Variants in DGKH observed in about 807,000 individuals in gnomAD.
DGKH encodes DAG kinase eta.
In DGKH, 90 loss-of-function variants were observed where a neutral mutation model predicts 159.3. That is an observed-to-expected ratio of 0.57 (90% CI 0.48 to 0.67). The LOEUF is 0.67. DGKH is among the 30% of genes least tolerant of loss of function. The pLI is 0.00. For missense variants in DGKH, 1,181 were observed against 1,506.1 expected, an observed-to-expected ratio of 0.78 and a Z score of 3.57; for synonymous variants, 536 against 553.8, an observed-to-expected ratio of 0.97 and a Z score of 0.45.
At chr13:42,171,969 A>G (rs892105630) in intron 11 of DGKH, among the ~76,000 whole-genome samples, 8 of 151,562 alleles carry the variant, frequency 5.3e-5, no homozygotes, top group Non-Finnish European at 7.4e-5. Flanking sequence ...AGCTGGGACT[A>G]TAGGTGCCCG....
chr13:42,159,263 T>TTTTTTTTTTTTTTGTTTTA lies in DGKH; in HGVS notation c.623-3_623-2insTTTTTTTTTTTTTGTTTTA. On this transcript the variant is annotated splice_polypyrimidine_tract_variant and splice_region_variant and intron_variant, in intron 5 of 29. Coordinates refer to ENST00000337343, the MANE Select transcript of DGKH (RefSeq NM_178009.5). ...GTTGCTCTTTTTTTTTTTTTTTTTT[T>TTTTTTTTTTTTTTGTTTTA]AGTGTGTAAATTCAAGGCTCACAAA... is the stretch of plus-strand genomic sequence containing the variant. 1 of 1,249,718 alleles carries TTTTTTTTTTTTTTGTTTTA rather than the reference T, an allele frequency of 8.0e-7. No individual in the cohort carries two copies. The highest frequency in any genetic ancestry group is 1.1e-6 in the Non-Finnish European group (1 of 894,572). The allele number at this position is 1,249,718 out of a possible 1,614,324, so 77.4% of individuals were successfully genotyped here. A position where few individuals can be genotyped will look rare whatever the true frequency, so the allele number is the denominator to read the frequency against.
At chr13:42,070,872 A>C in intron 1 of DGKH, 1 of 1,297,118 alleles carries the variant, frequency 7.7e-7, no homozygotes, top group Non-Finnish European at 1.1e-6. Flanking sequence ...CAATGTTATC[A>C]TGGTCAAGTC....
At chr13:42,064,585 G>A (rs966798504) in intron 1 of DGKH, among the ~76,000 whole-genome samples, 1 of 152,146 alleles carries the variant, frequency 6.6e-6, no homozygotes, top group African/African-American at 2.4e-5. Flanking sequence ...ATGGGACTGA[G>A]CAGCTGAGGT....
At chr13:42,117,010 T>C (rs1039567533) in intron 1 of DGKH, among the ~76,000 whole-genome samples, 2 of 152,194 alleles carry the variant, frequency 1.3e-5, no homozygotes, top group Non-Finnish European at 2.9e-5. Context: ...ATGGCTTTAC[T>C]GATTTTCCAT....
chr13:42,159,097 T>G (rs1956111525), intron 5 of DGKH, among the ~76,000 whole-genome samples, 169 bp from the exon 6 acceptor site: 2 of 152,200 alleles, frequency 1.3e-5, no homozygotes, highest in South Asian at 4.1e-4. Context: ...ATTTGTTTTC[T>G]AGAATACCAT....
intron 1 of DGKH, among the ~76,000 whole-genome samples, chr13:42,079,466 G>A (rs1322647097): frequency 2.0e-5 from 3 of 151,676 alleles, no homozygotes; most frequent in African/African-American, 7.3e-5. Context: ...CTACCCTCTC[G>A]CCCCTCCAAG....
chr13:42,212,815 A>C (rs1343337366), intron 24 of DGKH, among the ~76,000 whole-genome samples: 1 of 152,230 alleles, frequency 6.6e-6, no homozygotes. Flanking sequence ...CATGAGGCAC[A>C]CAGTGGACTC....
intron 25 of DGKH, 50 bp from the exon 26 acceptor site, chr13:42,215,525 A>T (rs1306763152): frequency 7.4e-7 from 1 of 1,351,870 alleles, no homozygotes; most frequent in Non-Finnish European, 1.0e-6. Context: ...TATGGTAATG[A>T]AATCCTATTT....
At position 42,189,108 on chromosome 13, in the gene DGKH, C is replaced by T; in HGVS notation, c.1711C>T (p.Leu571Phe). The part of the protein sequence containing the change: ...LHTDSQAAPV[L>F]PGLSPLIVEE... ...CACAGATTCCCAGGCTGCGCCTGTT[C>T]TCCCTGGCCTCAGCCCTCTCATTGT... is the stretch of plus-strand genomic sequence containing the variant. Residue 571 changes from leucine (L) to phenylalanine (F), a missense_variant, in exon 15 of 30, where the codon CTC becomes TTC. Physicochemically the swap from Leu to Phe is conservative, Grantham distance 22 (BLOSUM62 0). This residue lies in a region of DGKH where 257 missense variants were observed against 281.5 expected (regional missense o/e 0.91). Transcript: ENST00000337343. The T allele has an allele frequency of 6.2e-7, 1 of 1,614,284 alleles. No homozygotes were observed. The highest frequency in any genetic ancestry group is 1.1e-5 in the South Asian group (1 of 91,090).
At chr13:42,200,937 G>A (rs1957332387) in intron 20 of DGKH, among the ~76,000 whole-genome samples, 2 of 152,090 alleles carry the variant, frequency 1.3e-5, no homozygotes, top group Non-Finnish European at 2.9e-5. Context: ...TCCTAATCAT[G>A]TAATCATTCC....
intron 18 of DGKH, among the ~76,000 whole-genome samples, 192 bp from the exon 19 acceptor site, chr13:42,199,374 C>T (rs914906376): frequency 1.3e-5 from 2 of 152,180 alleles, no homozygotes; most frequent in East Asian, 3.8e-4. Context: ...CTTTATGTCA[C>T]ATGTACCAGA....
At chr13:42,212,682 A>T (rs912210003) in intron 24 of DGKH, among the ~76,000 whole-genome samples, 1 of 152,202 alleles carries the variant, frequency 6.6e-6, no homozygotes, top group African/African-American at 2.4e-5. Context: ...TTATTCATTG[A>T]CTATGCAAAC....
chr13:42,080,586 G>A (rs1284252485), intron 1 of DGKH, among the ~76,000 whole-genome samples: 4 of 152,226 alleles, frequency 2.6e-5, no homozygotes, highest in East Asian at 1.9e-4. Flanking sequence ...AATCTTCCTC[G>A]AAGAGTTTTA....
chr13:42,135,669 G>C, intron 3 of DGKH, among the ~76,000 whole-genome samples: 1 of 152,004 alleles, frequency 6.6e-6, no homozygotes, highest in East Asian at 1.9e-4. Flanking sequence ...TGTTCTGGAA[G>C]TTTCATTTTT....
chr13:42,217,906 C>T (rs374038514), intron 26 of DGKH, among the ~76,000 whole-genome samples: 3 of 152,038 alleles, frequency 2.0e-5, no homozygotes, highest in Non-Finnish European at 4.4e-5. Context: ...TGGTGGCATG[C>T]GCCTGTAAAC....
At chr13:42,178,245 A>C (rs1170937677) in intron 13 of DGKH, 25 bp downstream of exon 13, 2 of 1,522,028 alleles carry the variant, frequency 1.3e-6, no homozygotes, top group Non-Finnish European at 1.8e-6. Context: ...TTAAGTCTTT[A>C]AATATGGTGA....
intron 29 of DGKH, among the ~76,000 whole-genome samples, chr13:42,222,189 T>A (rs1957992800): frequency 6.6e-6 from 1 of 152,208 alleles, no homozygotes; most frequent in Admixed American, 6.5e-5. Context: ...ACGTTGTATT[T>A]TCTTACCACA....
intron 3 of DGKH, among the ~76,000 whole-genome samples, chr13:42,130,645 T>C (rs1039485258): frequency 6.6e-6 from 1 of 152,098 alleles, no homozygotes; most frequent in African/African-American, 2.4e-5. Flanking sequence ...CCCCTAGGCA[T>C]GACAGAGCAG....
At chr13:42,095,356 T>G (rs2137758510) in intron 1 of DGKH, among the ~76,000 whole-genome samples, 1 of 151,974 alleles carries the variant, frequency 6.6e-6, no homozygotes, top group South Asian at 2.1e-4. Flanking sequence ...AGAGATGGGA[T>G]TTCACCATGT....
Sources: gnomAD v4.1 joint callset for allele counts (sites outside exome capture counted in the v4.1 genomes callset) on GRCh38, gnomAD v4.1.1 for gene constraint, gnomAD v4.1.1 regional missense constraint, MANE v1.5 for transcripts, NCBI Gene and HGNC (gene_info 2026-07-23, HGNC 2026-07-21) for gene names.